CARMIL1: variants seen among roughly 807,000 people sequenced by gnomAD.
CARMIL1 encodes the protein F-actin-uncapping protein LRRC16A.
Under a neutral mutation model 177.1 loss-of-function variants are expected in CARMIL1, and 90 were observed. The ratio of observed to expected loss-of-function variants is 0.51; its 90% CI spans 0.43 to 0.61. The LOEUF (loss-of-function observed/expected upper bound fraction) is 0.61. CARMIL1 is among the 20% of genes least tolerant of loss of function. CARMIL1 has a pLI of 0.00. For missense variants in CARMIL1, 1,380 were observed against 1,667.0 expected (o/e 0.83, Z 3.00); for synonymous variants, 577 against 606.2 (o/e 0.95, Z 0.71).
At chr6:25,364,253 A>G (rs13215347) in intron 2 of CARMIL1, among the ~76,000 whole-genome samples, 84,035 of 151,998 alleles carry the variant, frequency 0.55, 23,959 homozygotes, top group Non-Finnish European at 0.63. Context: ...CATTTTTTAG[A>G]TTTCATAGGT....
chr6:25,558,637 G>A lies in CARMIL1; in HGVS notation c.2742+1787G>A, dbSNP rs1431064755. Among the ~76,000 whole-genome samples the A allele has an allele frequency of 1.3e-5, 2 of 152,178 alleles. No homozygotes were observed. Among genetic ancestry groups the A allele is most frequent in the African/African-American group, 2.4e-5 (1 of 41,442 alleles). The stretch of plus-strand genomic sequence containing the variant: ...ATTGTAAAAACATTCATGTTGCCAT[G>A]ATGCCTAAAGAGGCAGGAGTAGATG... On this transcript the variant is annotated intron_variant, in intron 29 of 36. Coordinates refer to ENST00000329474, the MANE Select transcript of CARMIL1 (RefSeq NM_017640.6). This position sits in a 1 kb window ranked among gnomAD's most constrained non-coding sequence, Gnocchi z 4.1.
chr6:25,488,735 T>C, intron 13 of CARMIL1, 150 bp downstream of exon 13: 1 of 673,522 alleles, frequency 1.5e-6, no homozygotes, highest in Admixed American at 2.4e-5. Flanking sequence ...TGAAGTGTTT[T>C]ACTGAAAATT....
chr6:25,471,569 C>T (rs2150940885), intron 10 of CARMIL1, among the ~76,000 whole-genome samples: 1 of 152,254 alleles, frequency 6.6e-6, no homozygotes, highest in South Asian at 2.1e-4. Flanking sequence ...TCATTCTCTT[C>T]ACTCTTAAAA....
chr6:25,362,326 T>A (rs1219879086), intron 2 of CARMIL1, among the ~76,000 whole-genome samples: 1 of 152,250 alleles, frequency 6.6e-6, no homozygotes, highest in Non-Finnish European at 1.5e-5. Flanking sequence ...GGAATCACAC[T>A]TTTATTGAAT....
chr6:25,553,648 C>G (rs1436473857), intron 27 of CARMIL1, among the ~76,000 whole-genome samples: 2 of 152,172 alleles, frequency 1.3e-5, no homozygotes, highest in Non-Finnish European at 2.9e-5. Context: ...TCTTAATTTA[C>G]TCCAGCCCAG....
intron 2 of CARMIL1, among the ~76,000 whole-genome samples, chr6:25,356,050 C>CTTTTT: frequency 8.3e-6 from 1 of 120,336 alleles, no homozygotes; most frequent in Non-Finnish European, 1.8e-5. Context: ...TCTAAGACTT[C>CTTTTT]TTTTTTTTTT....
chr6:25,400,005 G>A (rs1417364356), intron 2 of CARMIL1, among the ~76,000 whole-genome samples: 1 of 152,084 alleles, frequency 6.6e-6, no homozygotes, highest in Non-Finnish European at 1.5e-5. Context: ...CTGATAATTC[G>A]CTCCAAATCA....
chr6:25,358,887 G>A (rs1788899285), intron 2 of CARMIL1, among the ~76,000 whole-genome samples: 1 of 152,204 alleles, frequency 6.6e-6, no homozygotes, highest in Admixed American at 6.5e-5. Flanking sequence ...TAGCTATCAT[G>A]TGAATGAAGG....
intron 17 of CARMIL1, among the ~76,000 whole-genome samples, chr6:25,503,135 G>A (rs145269407): frequency 9.8e-5 from 15 of 152,328 alleles, no homozygotes; most frequent in African/African-American, 3.1e-4. Flanking sequence ...AATCTCCGAT[G>A]ATGAGCTTGA....
chr6:25,384,544 C>T (rs1562065711), intron 2 of CARMIL1, among the ~76,000 whole-genome samples: 1 of 152,240 alleles, frequency 6.6e-6, no homozygotes, highest in African/African-American at 2.4e-5. Flanking sequence ...AGCCAGTCCC[C>T]TCCCCTGGTC....
intron 24 of CARMIL1, among the ~76,000 whole-genome samples, chr6:25,536,306 C>T (rs1562261684): frequency 6.6e-6 from 1 of 152,102 alleles, no homozygotes; most frequent in African/African-American, 2.4e-5. Context: ...ATAGTTAGCT[C>T]TATGCAGGGC....
rs767998279 is a variant in CARMIL1 at position 25,515,685 on chromosome 6, C to T, written c.1643C>T (p.Ser548Phe). ...MIQDEESPLQ[S>F]LSLADSKLKT... ...TCATTTGCTCCGCAGCCTCTGCAGT[C>T]CTTGTCCCTGGCTGACTCGAAACTC... is the stretch of plus-strand genomic sequence containing the variant. Residue 548 changes from serine (S) to phenylalanine (F), a missense_variant, in exon 21 of 37, where the codon TCC becomes TTC. Transcript: ENST00000329474. The surrounding 1 kb of genome is among the most constrained non-coding windows in gnomAD (Gnocchi z 5.0). The T allele has an allele frequency of 6.2e-7, 1 of 1,603,104 alleles. No individual in the cohort carries two copies. The highest frequency in any genetic ancestry group is 1.1e-5 in the South Asian group (1 of 88,396).
At chr6:25,346,099 C>G (rs1011597552) in intron 2 of CARMIL1, among the ~76,000 whole-genome samples, 1 of 152,186 alleles carries the variant, frequency 6.6e-6, no homozygotes. Context: ...AGCTTCCAGC[C>G]TTATCCCCTT....
rs1367591260 is a variant in CARMIL1, at chr6:25,515,961, TGAG to T, written c.1805+118_1805+120del. 9.8e-7 allele frequency: 1 copy of T among 1,017,310 alleles called. No homozygotes were observed. The highest frequency in any genetic ancestry group is 2.9e-5 in the Admixed American group (1 of 34,744). 63.0% of individuals were successfully genotyped at this position (1,017,310 alleles called of 1,614,324 possible). ...ACCTGGGCTTCCCATGAGGCCATCT[TGAG>T]GAGAAGAGGTGACAATGTCAAGATT... On this transcript the variant is annotated intron_variant, in intron 21 of 36. Transcript: ENST00000329474. The surrounding 1 kb of genome is among the most constrained non-coding windows in gnomAD (Gnocchi z 5.0).
intron 5 of CARMIL1, among the ~76,000 whole-genome samples, chr6:25,447,364 C>T (rs2150829780): frequency 6.6e-6 from 1 of 152,276 alleles, no homozygotes; most frequent in East Asian, 1.9e-4. Flanking sequence ...ACCAGGCAAC[C>T]TCCCAGGCCC....
intron 2 of CARMIL1, among the ~76,000 whole-genome samples, chr6:25,400,387 C>T (rs553113257): frequency 6.6e-6 from 1 of 152,142 alleles, no homozygotes; most frequent in East Asian, 1.9e-4. Flanking sequence ...CTTTTCCTTC[C>T]TGCATGATTT....
chr6:25,290,257 G>A (rs868257061), intron 2 of CARMIL1, among the ~76,000 whole-genome samples: 4 of 152,058 alleles, frequency 2.6e-5, no homozygotes, highest in Admixed American at 6.6e-5. Flanking sequence ...CACCACACCC[G>A]GCTAATTTTT....
chr6:25,453,430 A>G (rs1257011463), intron 8 of CARMIL1, among the ~76,000 whole-genome samples: 1 of 152,184 alleles, frequency 6.6e-6, no homozygotes, highest in African/African-American at 2.4e-5. Flanking sequence ...CTATCACACA[A>G]ACACTTTACA....
At chr6:25,436,049 T>C (rs1050721874) in intron 5 of CARMIL1, among the ~76,000 whole-genome samples, 4 of 152,196 alleles carry the variant, frequency 2.6e-5, no homozygotes, top group African/African-American at 9.6e-5. Context: ...AAAAATTGAA[T>C]GTAAAAATCC....
Sources: gnomAD v4.1 joint callset for allele counts (sites outside exome capture counted in the v4.1 genomes callset) on GRCh38, gnomAD v4.1.1 for gene constraint, Gnocchi (gnomAD v3.1) non-coding constraint, MANE v1.5 for transcripts, NCBI Gene and HGNC (gene_info 2026-07-23, HGNC 2026-07-21) for gene names.